CA10: variants seen among roughly 807,000 people sequenced by gnomAD.
The protein encoded by CA10 is carbonic anhydrase-related protein 10.
A neutral mutation model predicts 44.2 loss-of-function variants in CA10; 14 were observed. The ratio of observed to expected loss-of-function variants is 0.32; its 90% CI spans 0.21 to 0.50. CA10 has a LOEUF of 0.50. Among genes scored for constraint, CA10 ranks in the 20% least tolerant of loss-of-function variants. The pLI, the probability that CA10 is intolerant of heterozygous loss-of-function variation, is 0.99. For synonymous variants in CA10, 159 were observed against 141.6 expected, an observed-to-expected ratio of 1.12 and a Z score of -0.87; for missense variants, 350 against 409.7, an observed-to-expected ratio of 0.85 and a Z score of 1.26.
At chr17:51,727,413 T>C (rs923886699) in intron 4 of CA10, among the ~76,000 whole-genome samples, 1 of 150,746 alleles carries the variant, frequency 6.6e-6, no homozygotes, top group East Asian at 1.9e-4. Flanking sequence ...TTTTTTTTAC[T>C]TTAAAATGAA....
intron 6 of CA10, among the ~76,000 whole-genome samples, chr17:51,644,576 C>T (rs1255148493): frequency 6.6e-6 from 1 of 151,952 alleles, no homozygotes. Flanking sequence ...TACTCCACAC[C>T]TCTTCTTGGG....
intron 3 of CA10, among the ~76,000 whole-genome samples, chr17:51,872,812 A>G (rs1030290748): frequency 3.3e-5 from 5 of 152,222 alleles, no homozygotes; most frequent in Non-Finnish European, 7.3e-5. Flanking sequence ...TCTTATTTCC[A>G]GGGAGCTTAT....
intron 1 of CA10, among the ~76,000 whole-genome samples, chr17:52,119,707 A>T (rs1436836690): frequency 6.6e-6 from 1 of 152,262 alleles, no homozygotes; most frequent in Non-Finnish European, 1.5e-5. Context: ...GCAAATAATC[A>T]GGCCAAGTAT....
intron 4 of CA10, among the ~76,000 whole-genome samples, chr17:51,725,182 A>G (rs925898233): frequency 6.6e-6 from 1 of 152,220 alleles, no homozygotes; most frequent in Non-Finnish European, 1.5e-5. Flanking sequence ...ACAGGACACA[A>G]GTTGCTGTGA....
chr17:51,768,992 T>A (rs751739899), intron 3 of CA10, among the ~76,000 whole-genome samples: 4 of 152,172 alleles, frequency 2.6e-5, no homozygotes, highest in Non-Finnish European at 5.9e-5. Context: ...GCTCTTGAAA[T>A]TGTCTGCAAT....
intron 2 of CA10, among the ~76,000 whole-genome samples, chr17:51,980,575 G>A (rs1984620621): frequency 6.6e-6 from 1 of 152,012 alleles, no homozygotes; most frequent in Non-Finnish European, 1.5e-5. Flanking sequence ...TGGTGTCTTT[G>A]TCACAAAATC....
chr17:51,902,707 G>A (rs1049040007), intron 3 of CA10, among the ~76,000 whole-genome samples: 2 of 152,160 alleles, frequency 1.3e-5, no homozygotes, highest in Non-Finnish European at 2.9e-5. Context: ...AATGTCTGCT[G>A]TAAATTCAGT....
chr17:52,013,061 T>C (rs910085413), intron 2 of CA10, among the ~76,000 whole-genome samples: 3 of 151,996 alleles, frequency 2.0e-5, no homozygotes, highest in Admixed American at 2.0e-4. Flanking sequence ...AATCCTAAAT[T>C]GATAAAGCAA....
At chr17:52,145,663 C>T (rs932564504) in intron 1 of CA10, among the ~76,000 whole-genome samples, 4 of 152,174 alleles carry the variant, frequency 2.6e-5, no homozygotes, top group Non-Finnish European at 4.4e-5. Context: ...TGCAAAATAA[C>T]ATCTTGAATC....
intron 2 of CA10, among the ~76,000 whole-genome samples, chr17:51,993,161 T>C (rs1985104707): frequency 6.6e-6 from 1 of 152,094 alleles, no homozygotes; most frequent in East Asian, 1.9e-4. Flanking sequence ...CTTTATTAAG[T>C]TTTGGCAGCA....
intron 1 of CA10, among the ~76,000 whole-genome samples, chr17:52,080,728 C>T (rs1193781713): frequency 6.6e-6 from 1 of 151,888 alleles, no homozygotes; most frequent in Non-Finnish European, 1.5e-5. Context: ...GCCCTTTTTC[C>T]CCCCGAAATT....
At chr17:51,842,123 A>G (rs1419355357) in intron 3 of CA10, among the ~76,000 whole-genome samples, 2 of 152,214 alleles carry the variant, frequency 1.3e-5, no homozygotes, top group Non-Finnish European at 2.9e-5. Context: ...GGATAGGGTC[A>G]TGTTTTCTGA....
At chr17:51,804,603 C>T (rs1029382144) in intron 3 of CA10, among the ~76,000 whole-genome samples, 3 of 152,196 alleles carry the variant, frequency 2.0e-5, no homozygotes, top group African/African-American at 4.8e-5. Context: ...CACTAAGACT[C>T]TGCCTTAGTT....
At chr17:52,061,100 A>T (rs945837641) in intron 2 of CA10, among the ~76,000 whole-genome samples, 1 of 152,184 alleles carries the variant, frequency 6.6e-6, no homozygotes, top group African/African-American at 2.4e-5. Context: ...ATTCTAATCC[A>T]CCAAACCTGT....
chr17:51,972,095 G>T (rs1303420525), intron 2 of CA10, among the ~76,000 whole-genome samples: 1 of 151,908 alleles, frequency 6.6e-6, no homozygotes, highest in Non-Finnish European at 1.5e-5. Flanking sequence ...AATAGAACCA[G>T]AAATTTTAGA....
chr17:51,931,029 G>A lies in CA10; in HGVS notation c.240C>T (p.Pro80=), dbSNP rs1982637076. ...TGTTGATGCGAAGAGGTGTCAGAAA[G>A]GGGTCGAAGATCATGTGACTGGTCT... The part of the protein sequence containing the change: ...NIETSHMIFD[P]FLTPLRINTG... Residue 80 remains proline, a synonymous_variant, in exon 3 of 9, where the codon CCC becomes CCT. Coordinates refer to ENST00000451037, the MANE Select transcript of CA10 (RefSeq NM_020178.5). 6.2e-7 allele frequency: 1 copy of A among 1,613,442 alleles called. No individual in the cohort carries two copies. Among genetic ancestry groups the A allele is most frequent in the African/African-American group, 1.3e-5 (1 of 74,856 alleles).
At chr17:51,858,873 T>A (rs1979172067) in intron 3 of CA10, among the ~76,000 whole-genome samples, 1 of 152,048 alleles carries the variant, frequency 6.6e-6, no homozygotes, top group Non-Finnish European at 1.5e-5. Context: ...TCAGAGGGAC[T>A]AAGCTTGAAT....
At chr17:51,772,564 G>A (rs1170025264) in intron 3 of CA10, among the ~76,000 whole-genome samples, 4 of 152,078 alleles carry the variant, frequency 2.6e-5, no homozygotes, top group Admixed American at 6.6e-5. Context: ...TGGAAAGACA[G>A]ACACAGAGAC....
At chr17:51,884,757 G>T (rs532896981) in intron 3 of CA10, among the ~76,000 whole-genome samples, 2 of 152,278 alleles carry the variant, frequency 1.3e-5, no homozygotes, top group Admixed American at 6.5e-5. Context: ...AAATCAAGGT[G>T]CTGGCATGGT....
Sources: gnomAD v4.1 joint callset for allele counts (sites outside exome capture counted in the v4.1 genomes callset) on GRCh38, gnomAD v4.1.1 for gene constraint, MANE v1.5 for transcripts, NCBI Gene and HGNC (gene_info 2026-07-23, HGNC 2026-07-21) for gene names.